Variants in CNBD1 observed in about 807,000 individuals in gnomAD.
CNBD1 encodes the protein cyclic nucleotide-binding domain-containing protein 1.
In CNBD1, 71 loss-of-function variants were observed where a neutral mutation model predicts 54.4. That is an observed-to-expected ratio of 1.30 (90% CI 1.08 to 1.59). The LOEUF (loss-of-function observed/expected upper bound fraction) is 1.59, where lower values mean the gene tolerates loss of function less well. Ranked by LOEUF, CNBD1 falls within the 40% of genes most tolerant of loss-of-function variation. The probability of loss-of-function intolerance (pLI) is 0.00; values close to 1 mark genes in which losing one functional copy is unlikely to be tolerated. For synonymous variants in CNBD1, 182 were observed against 170.7 expected (o/e 1.07, Z -0.51); for missense variants, 659 against 518.0 (o/e 1.27, Z -2.64).
chr8:87,378,511 A>G (rs1446930906), intron 10 of CNBD1, among the ~76,000 whole-genome samples: 1 of 150,998 alleles, frequency 6.6e-6, no homozygotes, highest in South Asian at 2.1e-4. Context: ...CCATTGATCT[A>G]TATCTCTGTT....
chr8:86,885,195 A>G (rs1052374327), intron 1 of CNBD1, among the ~76,000 whole-genome samples: 1 of 152,216 alleles, frequency 6.6e-6, no homozygotes, highest in Non-Finnish European at 1.5e-5. Context: ...TTAATTTACT[A>G]TATGCACACA....
At chr8:87,025,420 G>T (rs973136872) in intron 4 of CNBD1, among the ~76,000 whole-genome samples, 1 of 152,184 alleles carries the variant, frequency 6.6e-6, no homozygotes, top group Non-Finnish European at 1.5e-5. Context: ...TCTCTGCGAA[G>T]GTCTGTGGCT....
intron 4 of CNBD1, among the ~76,000 whole-genome samples, chr8:87,011,274 T>A (rs1809216252): frequency 6.6e-6 from 1 of 151,932 alleles, no homozygotes; most frequent in Non-Finnish European, 1.5e-5. Context: ...TCCTCTTAGG[T>A]TTATTTTCTG....
At chr8:87,175,409 G>A (rs555491036) in intron 4 of CNBD1, among the ~76,000 whole-genome samples, 1 of 152,276 alleles carries the variant, frequency 6.6e-6, no homozygotes, top group African/African-American at 2.4e-5. Flanking sequence ...TACTGCCTGG[G>A]TATTATTGCT....
At chr8:87,365,411 G>T (rs965224612) in intron 10 of CNBD1, among the ~76,000 whole-genome samples, 1 of 151,946 alleles carries the variant, frequency 6.6e-6, no homozygotes, top group African/African-American at 2.4e-5. Flanking sequence ...TTTGTCAGAT[G>T]TGTAGTTAGA....
intron 8 of CNBD1, among the ~76,000 whole-genome samples, chr8:87,327,557 A>T (rs1332781066): frequency 6.6e-6 from 1 of 152,076 alleles, no homozygotes; most frequent in Non-Finnish European, 1.5e-5. Flanking sequence ...GGTGGGAGTG[A>T]CCCGATTTTC....
intron 4 of CNBD1, among the ~76,000 whole-genome samples, chr8:86,975,098 A>G (rs1307578265): frequency 6.6e-6 from 1 of 152,070 alleles, no homozygotes; most frequent in African/African-American, 2.4e-5. Context: ...TTACATTTTA[A>G]AAAATATTTT....
chr8:87,406,898 A>T (rs1807662222), intron 2 of CNBD1, among the ~76,000 whole-genome samples: 1 of 152,156 alleles, frequency 6.6e-6, no homozygotes, highest in Non-Finnish European at 1.5e-5. Context: ...ATGTCAGTAG[A>T]GTTTGAATAA....
chr8:87,285,872 A>AAAAT lies in CNBD1; in HGVS notation c.910-651_910-648dup, dbSNP rs540992798. On this transcript the variant is annotated intron_variant, in intron 7 of 10. Transcript: ENST00000518476. ...GCAACAAGAGTGAAACTCCGTCTCA[A>AAAAT]AAATAAATAAATAAATAAAAAATAA... Among the ~76,000 whole-genome samples the AAAAT allele has an allele frequency of 2.7e-3, 417 of 152,300 alleles. 3 individuals are homozygous for AAAAT. The highest frequency in any genetic ancestry group is 9.4e-3 in the African/African-American group (391 of 41,568).
At chr8:86,887,520 T>G in intron 1 of CNBD1, 22 bp from the exon 2 acceptor site, 1 of 1,490,300 alleles carries the variant, frequency 6.7e-7, no homozygotes, top group Non-Finnish European at 9.1e-7. Context: ...ATTACTCAAA[T>G]TTTTAATTGA....
At chr8:87,411,072 C>T (rs1274277693) in intron 2 of CNBD1, among the ~76,000 whole-genome samples, 2 of 151,910 alleles carry the variant, frequency 1.3e-5, no homozygotes, top group East Asian at 3.9e-4. Context: ...GTGTGACTCG[C>T]TTTATTATGA....
At chr8:87,133,710 G>A (rs1262659288) in intron 4 of CNBD1, among the ~76,000 whole-genome samples, 1 of 143,982 alleles carries the variant, frequency 6.9e-6, no homozygotes, top group African/African-American at 2.5e-5. Context: ...AAAAAAAAAA[G>A]CATATTGCAC....
intron 4 of CNBD1, among the ~76,000 whole-genome samples, chr8:87,016,418 C>A: frequency 6.8e-6 from 1 of 146,348 alleles, no homozygotes. Flanking sequence ...TTAAAACTTG[C>A]TTTAAAATAA....
At position 87,163,869 on chromosome 8, in the gene CNBD1, T is replaced by G. The variant is rs1812907785; in HGVS notation, c.432-42124T>G. On this transcript the variant is annotated intron_variant, in intron 4 of 10. Transcript: ENST00000518476. The surrounding 1 kb of genome is among the most constrained non-coding windows in gnomAD (Gnocchi z 4.5). The stretch of plus-strand genomic sequence containing the variant: ...AAGACAGGTGAGCATCCTTGTATTG[T>G]TTTTGATCTTAGAGAAAAAGTTTTC... Among the ~76,000 whole-genome samples, 1 of 151,966 alleles carries G rather than the reference T, an allele frequency of 6.6e-6. No homozygotes were observed. Among genetic ancestry groups the G allele is most frequent in the African/African-American group, 2.4e-5 (1 of 41,446 alleles).
rs77932679 is a variant in CNBD1, at chr8:87,162,899, T to C, written c.432-43094T>C. On this transcript the variant is annotated intron_variant, in intron 4 of 10. Transcript: ENST00000518476. The stretch of plus-strand genomic sequence containing the variant: ...TAAGAGGTAATTAGGTCACAAGGAC[T>C]CCTTCCCTCCTGAATTGGATTAGGT... 9.5e-3 allele frequency among the ~76,000 whole-genome samples: 1,444 copies of C among 152,162 alleles called. 18 individuals carry two copies. Among genetic ancestry groups the C allele is most frequent in the African/African-American group, 0.029 (1,191 of 41,548 alleles).
At chr8:86,958,514 G>A (rs1045313111) in intron 4 of CNBD1, among the ~76,000 whole-genome samples, 1 of 152,208 alleles carries the variant, frequency 6.6e-6, no homozygotes, top group Non-Finnish European at 1.5e-5. Flanking sequence ...GGGTGCTCCT[G>A]TATTGGGTGC....
At chr8:86,900,015 T>A (rs7839565) in intron 2 of CNBD1, among the ~76,000 whole-genome samples, 7 of 151,766 alleles carry the variant, frequency 4.6e-5, no homozygotes, top group Non-Finnish European at 7.4e-5. Flanking sequence ...CTTTCCCCCC[T>A]CTTTTCTTGC....
At chr8:87,331,031 A>G (rs1020187763) in intron 8 of CNBD1, among the ~76,000 whole-genome samples, 1 of 152,030 alleles carries the variant, frequency 6.6e-6, no homozygotes, top group African/African-American at 2.4e-5. Context: ...TATTTACCAT[A>G]TTTGTTAGTT....
intron 8 of CNBD1, among the ~76,000 whole-genome samples, chr8:87,310,174 G>A (rs1310583044): frequency 6.6e-6 from 1 of 151,996 alleles, no homozygotes; most frequent in Admixed American, 6.6e-5. Flanking sequence ...TGGCAACATA[G>A]TGAGACTCCA....
Sources: allele counts gnomAD v4.1 joint callset (sites outside exome capture counted in the v4.1 genomes callset), GRCh38; gene constraint gnomAD v4.1.1; non-coding constraint Gnocchi (gnomAD v3.1); transcripts MANE v1.5; gene names NCBI Gene and HGNC (gene_info 2026-07-23, HGNC 2026-07-21).